Variants in MED13L observed in about 807,000 individuals in gnomAD.
MED13L encodes mediator of RNA polymerase II transcription subunit 13-like.
Under a neutral mutation model 220.9 loss-of-function variants are expected in MED13L, and 7 were observed. The ratio of observed to expected loss-of-function variants is 0.03; its 90% CI spans 0.02 to 0.06. The LOEUF is 0.06. Among genes scored for constraint, MED13L ranks in the 10% least tolerant of loss-of-function variants. The pLI is 1.00. For synonymous variants in MED13L, 1,011 were observed against 1,015.2 expected (o/e 1.00, Z 0.08); for missense variants, 1,965 against 2,760.5 (o/e 0.71, Z 6.46).
intron 4 of MED13L, among the ~76,000 whole-genome samples, chr12:116,071,998 G>A (rs1870409193): frequency 6.6e-6 from 1 of 152,226 alleles, no homozygotes; most frequent in Non-Finnish European, 1.5e-5. Context: ...CATGGGATTA[G>A]ATTTTTATTC....
rs1361197734 is a variant in MED13L, at chr12:116,277,460, C to T, written c.-329G>A. The T allele has an allele frequency of 7.6e-6, 1 of 131,816 alleles. No homozygotes were observed. Among genetic ancestry groups the T allele is most frequent in the Non-Finnish European group, 1.6e-5 (1 of 61,588 alleles). The allele number at this position is 131,816 out of a possible 1,614,324, so 8.2% of individuals were successfully genotyped here. On this transcript the variant is annotated 5_prime_UTR_variant, in exon 1 of 31. Transcript: ENST00000281928. ...TGTTTATCTCCAGCCACCGACTCCC[C>T]CTCGGCCCCCGCCGGCGCGCGAGGG...
At chr12:116,098,836 T>C (rs537962972) in intron 3 of MED13L, among the ~76,000 whole-genome samples, 51 of 152,298 alleles carry the variant, frequency 3.3e-4, no homozygotes, top group Admixed American at 2.7e-3. Flanking sequence ...ATAGGAAATA[T>C]GGCACACCCA....
chr12:116,235,902 G>GT (rs1234572031), intron 2 of MED13L, among the ~76,000 whole-genome samples: 2 of 151,946 alleles, frequency 1.3e-5, no homozygotes, highest in African/African-American at 4.8e-5. Context: ...AAGCTAAAAC[G>GT]TAAGAGATTA....
chr12:115,970,900 C>T (rs1043394234), intron 26 of MED13L, 130 bp from the exon 27 acceptor site: 2 of 884,428 alleles, frequency 2.3e-6, no homozygotes, highest in African/African-American at 3.3e-5. Context: ...AAATTGAGTC[C>T]AATTGTTTAA....
At chr12:116,183,351 C>T (rs996294397) in intron 2 of MED13L, among the ~76,000 whole-genome samples, 2 of 152,176 alleles carry the variant, frequency 1.3e-5, no homozygotes, top group African/African-American at 4.8e-5. Context: ...TTCAGTGATG[C>T]TCAAATATCA....
intron 2 of MED13L, among the ~76,000 whole-genome samples, chr12:116,225,557 T>C (rs1274738089): frequency 1.3e-5 from 2 of 152,246 alleles, no homozygotes; most frequent in Non-Finnish European, 2.9e-5. Context: ...TCGTTATAAA[T>C]ATCTACTAGG....
At chr12:116,143,330 CAAAAA>C (rs776961298) in intron 2 of MED13L, among the ~76,000 whole-genome samples, 3 of 81,186 alleles carry the variant, frequency 3.7e-5, no homozygotes, top group Non-Finnish European at 5.1e-5. Context: ...CACCTTGTCT[CAAAAA>C]AAAAAAAAAA....
At chr12:115,995,427 T>A (rs1878335949) in intron 16 of MED13L, among the ~76,000 whole-genome samples, 1 of 152,208 alleles carries the variant, frequency 6.6e-6, no homozygotes. Context: ...TTGTTTAGCC[T>A]ATCTGTTTGT....
intron 2 of MED13L, among the ~76,000 whole-genome samples, chr12:116,178,814 T>C (rs1362723561): frequency 1.3e-5 from 2 of 152,220 alleles, no homozygotes; most frequent in African/African-American, 2.4e-5. Flanking sequence ...TTCTAAAATA[T>C]TGTGACTGCT....
chr12:116,276,898 G>A, intron 1 of MED13L, 162 bp downstream of exon 1: 3 of 984,926 alleles, frequency 3.0e-6, no homozygotes, highest in Non-Finnish European at 4.6e-6. Flanking sequence ...AGGCGAGAGA[G>A]AGACGATCCA....
intron 4 of MED13L, among the ~76,000 whole-genome samples, chr12:116,077,063 T>G (rs755185684): frequency 1.6e-4 from 24 of 152,200 alleles, no homozygotes; most frequent in Non-Finnish European, 2.9e-4. Context: ...TTCCCTCCTC[T>G]TGATTCCACC....
Position 116,247,000 on chromosome 12 carries a change from G to C in MED13L, c.73-9295C>G, listed in dbSNP as rs369230864. Among the ~76,000 whole-genome samples the C allele has an allele frequency of 1.4e-4, 21 of 152,168 alleles. 1 individual carries two copies. Among genetic ancestry groups the C allele is most frequent in the African/African-American group, 4.8e-4 (20 of 41,506 alleles). Reference sequence around the variant, plus strand: ...GCATCTGCTTTGTAGGAGGCAGAAAGAATGAGTTAAACCCTCCTCTTCGAT... The same window carrying C: ...GCATCTGCTTTGTAGGAGGCAGAAACAATGAGTTAAACCCTCCTCTTCGAT... On this transcript the variant is annotated intron_variant, in intron 1 of 30. Coordinates refer to ENST00000281928, the MANE Select transcript of MED13L (RefSeq NM_015335.5).
intron 2 of MED13L, among the ~76,000 whole-genome samples, chr12:116,173,097 C>G (rs17498648): frequency 0.18 from 25,597 of 140,346 alleles, 2,422 homozygotes; most frequent in Middle Eastern, 0.28. Context: ...CACACTAGAA[C>G]AACTCAGGAA....
intron 2 of MED13L, among the ~76,000 whole-genome samples, chr12:116,165,843 A>G (rs916061890): frequency 6.6e-6 from 1 of 152,126 alleles, no homozygotes; most frequent in Non-Finnish European, 1.5e-5. Context: ...TGGCTACACT[A>G]TGCCTAGTCT....
chr12:116,253,000 G>A (rs1368915722), intron 1 of MED13L, among the ~76,000 whole-genome samples: 2 of 152,082 alleles, frequency 1.3e-5, no homozygotes, highest in African/African-American at 4.8e-5. Flanking sequence ...GATGGCTCAC[G>A]CCTATAATCC....
chr12:116,173,309 T>C (rs1879815935), intron 2 of MED13L, among the ~76,000 whole-genome samples: 1 of 152,200 alleles, frequency 6.6e-6, no homozygotes. Flanking sequence ...GGTATGGCAC[T>C]GTAGGTTTTC....
chr12:116,219,940 G>A (rs1024506166), intron 2 of MED13L, among the ~76,000 whole-genome samples: 2 of 152,030 alleles, frequency 1.3e-5, no homozygotes, highest in Non-Finnish European at 2.9e-5. Flanking sequence ...GAGATTACAG[G>A]TGCGCACCAC....
intron 2 of MED13L, among the ~76,000 whole-genome samples, chr12:116,159,839 T>C (rs1231586065): frequency 6.6e-6 from 1 of 152,228 alleles, no homozygotes; most frequent in African/African-American, 2.4e-5. Context: ...AGTAACTGAT[T>C]CTCAAGAGAA....
intron 15 of MED13L, 104 bp downstream of exon 15, chr12:115,996,906 A>T: frequency 8.0e-7 from 1 of 1,255,636 alleles, no homozygotes. Flanking sequence ...ATTCTTAGGA[A>T]CTTATGTATA....
Sources: gnomAD v4.1 joint callset for allele counts (sites outside exome capture counted in the v4.1 genomes callset) on GRCh38, gnomAD v4.1.1 for gene constraint, MANE v1.5 for transcripts, NCBI Gene and HGNC (gene_info 2026-07-23, HGNC 2026-07-21) for gene names.